CMSS1: variants seen among roughly 807,000 people sequenced by gnomAD.
CMSS1 encodes the protein cms1 ribosomal small subunit homolog.
Under a neutral mutation model 43.5 loss-of-function variants are expected in CMSS1, and 33 were observed. That is an observed-to-expected ratio of 0.76 (90% CI 0.57 to 1.01). The LOEUF is 1.01. Ranked by LOEUF, CMSS1 falls within the 50% of genes least tolerant of loss-of-function variation. The pLI is 0.00. For synonymous variants in CMSS1, 115 were observed against 117.2 expected (o/e 0.98, Z 0.12); for missense variants, 313 against 326.4 (o/e 0.96, Z 0.32).
intron 8 of CMSS1, among the ~76,000 whole-genome samples, chr3:100,174,319 C>G (rs982310727): frequency 6.6e-6 from 1 of 152,106 alleles, no homozygotes; most frequent in Non-Finnish European, 1.5e-5. Context: ...CACCACCAGC[C>G]CCTCCTGGAA....
intron 1 of CMSS1, among the ~76,000 whole-genome samples, chr3:99,860,767 A>G (rs1484843235): frequency 2.0e-5 from 3 of 152,156 alleles, no homozygotes; most frequent in Non-Finnish European, 4.4e-5. Context: ...AGCACATGTA[A>G]ATTTGTACCA....
intron 1 of CMSS1, among the ~76,000 whole-genome samples, chr3:99,840,256 C>G (rs1486806437): frequency 2.6e-5 from 3 of 117,060 alleles, no homozygotes; most frequent in African/African-American, 3.4e-5. Context: ...GACAGCCTTG[C>G]TCTGTCGCCC....
chr3:99,842,789 C>G (rs1943193552), intron 1 of CMSS1, among the ~76,000 whole-genome samples: 1 of 152,108 alleles, frequency 6.6e-6, no homozygotes, highest in Non-Finnish European at 1.5e-5. Context: ...ACTGTAAAAC[C>G]TGGTACCTGA....
intron 1 of CMSS1, among the ~76,000 whole-genome samples, chr3:99,927,950 T>A (rs1707349685): frequency 6.6e-6 from 1 of 152,176 alleles, no homozygotes; most frequent in East Asian, 1.9e-4. Flanking sequence ...TTCTAAGTTA[T>A]TTTGCCTTAA....
intron 1 of CMSS1, among the ~76,000 whole-genome samples, chr3:99,905,838 A>G (rs966137285): frequency 6.6e-6 from 1 of 152,248 alleles, no homozygotes; most frequent in Non-Finnish European, 1.5e-5. Context: ...TTACATTGCC[A>G]TCAGAAATGT....
intron 1 of CMSS1, among the ~76,000 whole-genome samples, chr3:100,095,787 A>G (rs1278221037): frequency 1.3e-5 from 2 of 152,184 alleles, no homozygotes; most frequent in Admixed American, 6.5e-5. Flanking sequence ...ACATCAACTT[A>G]AAAAGCTTCT....
intron 2 of CMSS1, 30 bp downstream of exon 2, chr3:100,147,091 TG>T (rs2066858662): frequency 1.2e-6 from 2 of 1,611,222 alleles, no homozygotes; most frequent in Non-Finnish European, 1.7e-6. Flanking sequence ...GAGCCACCAC[TG>T]TTAAATTCTG....
At chr3:100,175,706 A>G (rs939292282) in intron 8 of CMSS1, among the ~76,000 whole-genome samples, 13 of 152,290 alleles carry the variant, frequency 8.5e-5, no homozygotes, top group African/African-American at 2.9e-4. Flanking sequence ...AACTGACTCT[A>G]TGCCCAACTG....
intron 1 of CMSS1, among the ~76,000 whole-genome samples, chr3:99,825,468 G>A (rs1453903444): frequency 6.6e-6 from 1 of 152,206 alleles, no homozygotes; most frequent in African/African-American, 2.4e-5. Context: ...GGCTGTAACA[G>A]ATGGACACTT....
At chr3:100,057,807 G>A (rs577683675) in intron 1 of CMSS1, among the ~76,000 whole-genome samples, 17 of 152,122 alleles carry the variant, frequency 1.1e-4, no homozygotes, top group Non-Finnish European at 2.5e-4. Context: ...TCAAACCCTA[G>A]GTTTTTTTAA....
At chr3:99,843,754 G>A (rs974016890) in intron 1 of CMSS1, among the ~76,000 whole-genome samples, 1 of 152,092 alleles carries the variant, frequency 6.6e-6, no homozygotes, top group African/African-American at 2.4e-5. Flanking sequence ...GCCACGGACT[G>A]GTAGCAGTCC....
chr3:100,164,147 C>G (rs145606862), intron 4 of CMSS1, among the ~76,000 whole-genome samples: 25 of 152,352 alleles, frequency 1.6e-4, no homozygotes, highest in African/African-American at 5.0e-4. Context: ...TTATAATCCA[C>G]TCTTCTCAGC....
At chr3:99,950,790 G>T (rs1209700342) in intron 1 of CMSS1, among the ~76,000 whole-genome samples, 1 of 152,186 alleles carries the variant, frequency 6.6e-6, no homozygotes, top group Non-Finnish European at 1.5e-5. Flanking sequence ...TGGTGCTGGA[G>T]ACTTAGGTAA....
At chr3:99,925,904 G>A in intron 1 of CMSS1, 1 of 985,160 alleles carries the variant, frequency 1.0e-6, no homozygotes, top group East Asian at 1.1e-4. Flanking sequence ...GCCCAGCACG[G>A]GGTAAGCTGC....
At chr3:100,014,589 A>G (rs1398040547) in intron 1 of CMSS1, among the ~76,000 whole-genome samples, 1 of 152,124 alleles carries the variant, frequency 6.6e-6, no homozygotes, top group Admixed American at 6.6e-5. Context: ...CCTGATGTCT[A>G]GTGATGTTAA....
chr3:100,101,942 A>G (rs1373675765), intron 1 of CMSS1, among the ~76,000 whole-genome samples: 4 of 152,164 alleles, frequency 2.6e-5, no homozygotes, highest in Non-Finnish European at 5.9e-5. Flanking sequence ...CCTACAAAGG[A>G]CATGAACTCA....
chr3:100,001,652 G>A (rs1323647617), intron 1 of CMSS1, among the ~76,000 whole-genome samples: 3 of 152,142 alleles, frequency 2.0e-5, no homozygotes, highest in South Asian at 2.1e-4. Context: ...CTGTCAGGCA[G>A]GTCACATCTT....
chr3:100,124,052 T>C (rs1040262361), intron 1 of CMSS1, among the ~76,000 whole-genome samples: 11 of 152,230 alleles, frequency 7.2e-5, no homozygotes, highest in African/African-American at 2.7e-4. Context: ...TCTTAAAGTA[T>C]TACTATTTTC....
At chr3:99,897,143 G>A (rs1706281397) in intron 1 of CMSS1, among the ~76,000 whole-genome samples, 1 of 152,112 alleles carries the variant, frequency 6.6e-6, no homozygotes, top group African/African-American at 2.4e-5. Context: ...CAGATCACTT[G>A]AGGCCAGAAG....
Sources: gnomAD v4.1 joint callset for allele counts (sites outside exome capture counted in the v4.1 genomes callset) on GRCh38, gnomAD v4.1.1 for gene constraint, MANE v1.5 for transcripts, NCBI Gene and HGNC (gene_info 2026-07-23, HGNC 2026-07-21) for gene names.